The following AFAP1L1 variants were observed in gnomAD, a reference collection of about 807,000 sequenced individuals.
AFAP1L1 encodes the protein actin filament-associated protein 1-like 1.
In AFAP1L1, 77 loss-of-function variants were observed where a neutral mutation model predicts 99.8. The ratio of observed to expected loss-of-function variants is 0.77; its 90% confidence interval spans 0.64 to 0.93. The LOEUF (loss-of-function observed/expected upper bound fraction) is 0.93. Ranked by LOEUF, AFAP1L1 falls within the 40% of genes least tolerant of loss-of-function variation. The probability of loss-of-function intolerance (pLI) is 0.00; values close to 1 mark genes in which losing one functional copy is unlikely to be tolerated. For synonymous variants in AFAP1L1, 373 were observed against 395.3 expected, an observed-to-expected ratio of 0.94 and a Z score of 0.67; for missense variants, 893 against 996.8, an observed-to-expected ratio of 0.90 and a Z score of 1.40.
intron 7 of AFAP1L1, 127 bp downstream of exon 7, chr5:149,307,740 G>A: frequency 1.1e-6 from 1 of 936,892 alleles, no homozygotes; most frequent in South Asian, 1.6e-5. Flanking sequence ...GAAGCTCAAA[G>A]GCCCCATGCT....
At chr5:149,291,920 A>T (rs1353659) in intron 1 of AFAP1L1, among the ~76,000 whole-genome samples, 133,094 of 152,230 alleles carry the variant, frequency 0.87, 58,430 homozygotes, top group Non-Finnish European at 0.91. Context: ...GTCTTTTTCC[A>T]TTTTTAAATG....
rs1757540883 is a variant in AFAP1L1 at position 149,340,780 on chromosome 5, G to A, written c.*750G>A. 6.6e-6 allele frequency: 1 copy of A among 152,224 alleles called. No individual in the cohort carries two copies. Among genetic ancestry groups the A allele is most frequent in the Admixed American group, 6.5e-5 (1 of 15,280 alleles). 9.4% of individuals were successfully genotyped at this position (152,224 alleles called of 1,614,324 possible). On this transcript the variant is annotated 3_prime_UTR_variant, in exon 19 of 19. Coordinates refer to ENST00000296721, the MANE Select transcript of AFAP1L1 (RefSeq NM_152406.4). ...GGAGCACAGAGCTCTAATGTCCACAGGATGTTGTAGGGTAGGGTCTCTCAG... is the reference window on the plus strand; with the variant it reads ...GGAGCACAGAGCTCTAATGTCCACAAGATGTTGTAGGGTAGGGTCTCTCAG...
intron 8 of AFAP1L1, among the ~76,000 whole-genome samples, chr5:149,311,541 G>A (rs1039145862): frequency 5.9e-5 from 9 of 152,200 alleles, no homozygotes; most frequent in African/African-American, 2.2e-4. Flanking sequence ...TCCACAGAAA[G>A]CCACCAATTA....
intron 15 of AFAP1L1, among the ~76,000 whole-genome samples, chr5:149,326,980 G>C (rs1375974699): frequency 4.6e-5 from 7 of 152,120 alleles, no homozygotes; most frequent in Non-Finnish European, 8.8e-5. Flanking sequence ...AACCCGGTTG[G>C]GGGGATGCAT....
intron 1 of AFAP1L1, among the ~76,000 whole-genome samples, chr5:149,290,396 G>A (rs1469843376): frequency 6.6e-6 from 1 of 152,166 alleles, no homozygotes; most frequent in Non-Finnish European, 1.5e-5. Flanking sequence ...GCCTGTTCCC[G>A]CTAGTGAGGT....
chr5:149,305,892 AC>A (rs1756392954), intron 5 of AFAP1L1, among the ~76,000 whole-genome samples: 2 of 151,200 alleles, frequency 1.3e-5, no homozygotes, highest in Admixed American at 1.3e-4. Context: ...ACACACACAC[AC>A]ACACACACAC....
rs748982052 is a variant in AFAP1L1, at chr5:149,309,946, C to G, written c.748-10C>G. ...TCAGAAGATCCTGATGTGTTTCTCTCCCTGTCCAGTGTTACAAAAGCTCCA... is the reference window on the plus strand; with the variant it reads ...TCAGAAGATCCTGATGTGTTTCTCTGCCTGTCCAGTGTTACAAAAGCTCCA... On this transcript the variant is annotated splice_polypyrimidine_tract_variant and intron_variant, in intron 7 of 18. Transcript: ENST00000296721. 2 of 1,614,198 alleles carry G rather than the reference C, an allele frequency of 1.2e-6. No homozygotes were observed. The highest frequency in any genetic ancestry group is 2.2e-5 in the East Asian group (1 of 44,878).
chr5:149,328,005 T>A (rs1294568911), intron 15 of AFAP1L1, among the ~76,000 whole-genome samples: 1 of 152,086 alleles, frequency 6.6e-6, no homozygotes. Flanking sequence ...ATGGTAAAAA[T>A]GCTAATACCA....
intron 5 of AFAP1L1, among the ~76,000 whole-genome samples, chr5:149,305,440 A>G (rs538162048): frequency 1.6e-4 from 25 of 152,252 alleles, no homozygotes; most frequent in African/African-American, 5.5e-4. Context: ...TACATTTTCT[A>G]TTTTTATGGA....
At chr5:149,304,597 G>T (rs1756336037) in intron 5 of AFAP1L1, among the ~76,000 whole-genome samples, 1 of 152,200 alleles carries the variant, frequency 6.6e-6, no homozygotes, top group Admixed American at 6.5e-5. Flanking sequence ...GAAGGGCCAG[G>T]AACCTTGTGC....
chr5:149,309,849 G>T, intron 7 of AFAP1L1, 107 bp from the exon 8 acceptor site: 1 of 1,385,618 alleles, frequency 7.2e-7, no homozygotes, highest in African/African-American at 1.4e-5. Flanking sequence ...CTGGGTGGGG[G>T]AGGTCTCTAA....
At chr5:149,326,686 G>T (rs1318022545) in intron 15 of AFAP1L1, among the ~76,000 whole-genome samples, 2 of 152,020 alleles carry the variant, frequency 1.3e-5, no homozygotes, top group Non-Finnish European at 2.9e-5. Context: ...AATTTAATTG[G>T]ATCAGGCTGT....
chr5:149,317,839 G>A lies in AFAP1L1; in HGVS notation c.1378G>A (p.Ala460Thr), dbSNP rs760572045. The A allele has an allele frequency of 4.3e-6, 7 of 1,611,196 alleles. No homozygotes were observed. Among genetic ancestry groups the A allele is most frequent in the South Asian group, 1.1e-5 (1 of 90,226 alleles). The change falls in exon 12 of 19, where the codon GCC becomes ACC. Residue 460 changes from alanine (A) to threonine (T), a missense_variant. By Grantham distance (58) the Ala-to-Thr change is moderately conservative (BLOSUM62 0). Transcript: ENST00000296721. ...DHMDLRTHVN[A>T]IALQGCEVAP... ...CATGGACCTGCGAACCCATGTGAAC[G>A]CCATCGCCCTGCAAGGCTGTGAGGT...
chr5:149,284,200 A>G (rs1416248858), intron 1 of AFAP1L1, among the ~76,000 whole-genome samples: 1 of 152,196 alleles, frequency 6.6e-6, no homozygotes, highest in Non-Finnish European at 1.5e-5. Flanking sequence ...TCCAAAGAGT[A>G]GGGATGTATT....
In AFAP1L1 at chr5:149,307,858, T is replaced by TCTCTCTCTCTCTCTCTC. The variant is rs1561672922; in HGVS notation, c.747+245_747+246insCTCTCTCTCTCTCTCTC. Among the ~76,000 whole-genome samples, 29 of 11,194 alleles carry TCTCTCTCTCTCTCTCTC rather than the reference T, an allele frequency of 2.6e-3. No homozygotes were observed. The East Asian group carries it at 0.05, about 19-fold the overall frequency. The allele number at this position is 11,194 out of a possible 152,430, so 7.3% of individuals were successfully genotyped here. A position where few individuals can be genotyped will look rare whatever the true frequency, so the allele number is the denominator to read the frequency against. On this transcript the variant is annotated intron_variant, in intron 7 of 18. Coordinates refer to ENST00000296721, the MANE Select transcript of AFAP1L1 (RefSeq NM_152406.4). ...TCTCTCTCTCTCTCTCTCTCTCTCT[T>TCTCTCTCTCTCTCTCTC]AAATTTAAAGACCTGGGCTAGGCAC...
Position 149,315,400 on chromosome 5 carries a change from C to T in AFAP1L1, c.1021-421C>T, listed in dbSNP as rs769463644. Among the ~76,000 whole-genome samples the T allele has an allele frequency of 2.0e-4, 30 of 152,282 alleles. No individual in the cohort carries two copies. The Middle Eastern group carries it at 0.014, about 69-fold the overall frequency. ...TCGAGTCTCATCATGACCAGGATGA[C>T]ATTCTTTTAAGTGGCTCTTCTGCTT... On this transcript the variant is annotated intron_variant, in intron 9 of 18. Coordinates refer to ENST00000296721, the MANE Select transcript of AFAP1L1 (RefSeq NM_152406.4).
At chr5:149,335,944 T>C (rs1157633237) in intron 18 of AFAP1L1, among the ~76,000 whole-genome samples, 1 of 152,240 alleles carries the variant, frequency 6.6e-6, no homozygotes, top group Non-Finnish European at 1.5e-5. Flanking sequence ...CTTAATCATC[T>C]GGTTTCTGAG....
At position 149,310,025 on chromosome 5, in the gene AFAP1L1, G is replaced by A. The variant is rs146039286; in HGVS notation, c.817G>A (p.Val273Met). The change falls in exon 8 of 19, where the codon GTG becomes ATG. Residue 273 changes from valine (V) to methionine (M), a missense_variant. Physicochemically the swap from Val to Met is conservative, Grantham distance 21. Coordinates refer to ENST00000296721, the MANE Select transcript of AFAP1L1 (RefSeq NM_152406.4). The part of the protein sequence containing the change: ...LALDTCSIIY[V>M]PKDSRHKRHE... ...ACTGGATACCTGCAGCATCATCTAC[G>A]TGCCCAAGGACAGCCGGCACAAGAG... is the stretch of plus-strand genomic sequence containing the variant. 3.0e-5 allele frequency: 48 copies of A among 1,614,234 alleles called. No homozygotes were observed. The highest frequency in any genetic ancestry group is 2.0e-4 in the East Asian group (9 of 44,888).
In AFAP1L1 at chr5:149,302,416, A is replaced by T; in HGVS notation, c.328-2A>T. 3.2e-6 allele frequency: 5 copies of T among 1,574,282 alleles called. No homozygotes were observed. The highest frequency in any genetic ancestry group is 1.8e-5 in the Admixed American group (1 of 54,054). ...CTAGCCCTCTTTTTTGTCCCCTTGC[A>T]GGCGGCCGACCTGCCTCCACCGCTC... is the stretch of plus-strand genomic sequence containing the variant. On this transcript the variant is annotated splice_acceptor_variant, in intron 4 of 18. Coordinates refer to ENST00000296721, the MANE Select transcript of AFAP1L1 (RefSeq NM_152406.4). LOFTEE classifies it high-confidence loss of function.
Sources: gnomAD v4.1 joint callset for allele counts (sites outside exome capture counted in the v4.1 genomes callset) on GRCh38, gnomAD v4.1.1 for gene constraint, MANE v1.5 for transcripts, NCBI Gene and HGNC (gene_info 2026-07-23, HGNC 2026-07-21) for gene names.